The following ATXN10 variants were observed in gnomAD, a reference collection of about 807,000 sequenced individuals.
The protein encoded by ATXN10 is ataxin 10.
In ATXN10, 28 loss-of-function variants were observed where a neutral mutation model predicts 52.9. The ratio of observed to expected loss-of-function variants is 0.53; its 90% CI spans 0.39 to 0.73. ATXN10 has a LOEUF of 0.73. ATXN10 is among the 30% of genes least tolerant of loss of function. The probability of loss-of-function intolerance (pLI) is 0.00; values close to 1 mark genes in which losing one functional copy is unlikely to be tolerated. For synonymous variants in ATXN10, 226 were observed against 221.5 expected (o/e 1.02, Z -0.18); for missense variants, 565 against 577.0 (o/e 0.98, Z 0.21).
Position 45,795,619 on chromosome 22 carries a change from C to CTT in ATXN10, c.1174-11340_1174-11339insTT. 6.6e-6 allele frequency among the ~76,000 whole-genome samples: 1 copy of CTT among 152,110 alleles called. No homozygotes were observed. The highest frequency in any genetic ancestry group is 2.4e-5 in the African/African-American group (1 of 41,496). On this transcript the variant is annotated intron_variant, in intron 9 of 11. Coordinates refer to ENST00000252934, the MANE Select transcript of ATXN10 (RefSeq NM_013236.4). This position sits in a 1 kb window ranked among gnomAD's most constrained non-coding sequence, Gnocchi z 4.6. ...AGACGGTGTTTCGGGAAGTCAGGGACCCTGAACGGAGGGACTGGCTGAAGC... is the reference window on the plus strand; with the variant it reads ...AGACGGTGTTTCGGGAAGTCAGGGACTTCCTGAACGGAGGGACTGGCTGAAGC...
chr22:45,807,043 C>T (rs376498406), intron 10 of ATXN10, 21 bp downstream of exon 10: 1 of 1,605,072 alleles, frequency 6.2e-7, no homozygotes, highest in Non-Finnish European at 8.5e-7. Flanking sequence ...ATGTGAATTA[C>T]CATGCACAAG....
Position 45,718,640 on chromosome 22 carries a change from G to T in ATXN10, c.728+147G>T. On this transcript the variant is annotated intron_variant, in intron 6 of 11. Coordinates refer to ENST00000252934, the MANE Select transcript of ATXN10 (RefSeq NM_013236.4). This position sits in a 1 kb window ranked among gnomAD's most constrained non-coding sequence, Gnocchi z 4.4. ...GTTGGTAATGGTTTTAAATTGGTTG[G>T]TTAACATTACAGCTTAGCCACAGTA... is the stretch of plus-strand genomic sequence containing the variant. The T allele has an allele frequency of 2.5e-6, 2 of 812,668 alleles. No homozygotes were observed. 50.3% of individuals were successfully genotyped at this position (812,668 alleles called of 1,614,324 possible). A position where few individuals can be genotyped will look rare whatever the true frequency, so the allele number is the denominator to read the frequency against.
Position 45,780,060 on chromosome 22 carries a change from A to G in ATXN10, c.1174-26899A>G, listed in dbSNP as rs1359560179. On this transcript the variant is annotated intron_variant, in intron 9 of 11. Transcript: ENST00000252934. The surrounding 1 kb of genome is among the most constrained non-coding windows in gnomAD (Gnocchi z 4.0). The stretch of plus-strand genomic sequence containing the variant: ...TGAAATTCCAAATAAAAACGCTTAT[A>G]CAAACAAAAAGGCAGACTGCATCAT... Among the ~76,000 whole-genome samples, 1 of 150,602 alleles carries G rather than the reference A, an allele frequency of 6.6e-6. No individual in the cohort carries two copies. The highest frequency in any genetic ancestry group is 1.5e-5 in the Non-Finnish European group (1 of 67,892).
chr22:45,787,868 G>T lies in ATXN10; in HGVS notation c.1174-19091G>T, dbSNP rs760742279. On this transcript the variant is annotated intron_variant, in intron 9 of 11. Transcript: ENST00000252934. This position sits in a 1 kb window ranked among gnomAD's most constrained non-coding sequence, Gnocchi z 4.2. ...ATCTTGTGCAATTTCAGTTACTGAT[G>T]ATCTTTTTCCAGGAACAAAAATATT... Among the ~76,000 whole-genome samples the T allele has an allele frequency of 6.6e-6, 1 of 152,290 alleles. No homozygotes were observed. Among genetic ancestry groups the T allele is most frequent in the Non-Finnish European group, 1.5e-5 (1 of 68,004 alleles).
At chr22:45,709,373 G>A (rs939930622) in intron 5 of ATXN10, among the ~76,000 whole-genome samples, 2 of 152,212 alleles carry the variant, frequency 1.3e-5, no homozygotes, top group Non-Finnish European at 2.9e-5. Flanking sequence ...GTCCACTTCA[G>A]ATGGTTTATG....
chr22:45,795,353 G>GGATTC lies in ATXN10; in HGVS notation c.1174-11605_1174-11601dup, dbSNP rs1309588277. ...TATCCAACTAAAAGACTACTAGAAT[G>GGATTC]GATTCTATTCTATTCTATTCTATTC... is the stretch of plus-strand genomic sequence containing the variant. On this transcript the variant is annotated intron_variant, in intron 9 of 11. Coordinates refer to ENST00000252934, the MANE Select transcript of ATXN10 (RefSeq NM_013236.4). This position sits in a 1 kb window ranked among gnomAD's most constrained non-coding sequence, Gnocchi z 4.6. Among the ~76,000 whole-genome samples the GGATTC allele has an allele frequency of 2.0e-4, 27 of 137,088 alleles. No homozygotes were observed. Among genetic ancestry groups the GGATTC allele is most frequent in the East Asian group, 1.0e-3 (4 of 3,930 alleles). The allele number at this position is 137,088 out of a possible 152,430, so 89.9% of individuals were successfully genotyped here.
intron 10 of ATXN10, among the ~76,000 whole-genome samples, chr22:45,808,755 A>C (rs1928184868): frequency 1.3e-5 from 2 of 152,238 alleles, no homozygotes; most frequent in African/African-American, 4.8e-5. Context: ...AGTCACCGGG[A>C]GGAGACAGAG....
intron 9 of ATXN10, chr22:45,793,756 CT>C: frequency 2.1e-6 from 3 of 1,420,842 alleles, no homozygotes; most frequent in South Asian, 1.7e-5. Context: ...CGATTCCTGC[CT>C]TTCCCCAGTG....
At chr22:45,807,267 G>A (rs1928131584) in intron 10 of ATXN10, among the ~76,000 whole-genome samples, 1 of 152,178 alleles carries the variant, frequency 6.6e-6, no homozygotes, top group Admixed American at 6.5e-5. Flanking sequence ...TGGCCAAAAA[G>A]CACTTTAAAA....
intron 9 of ATXN10, among the ~76,000 whole-genome samples, chr22:45,773,579 C>T (rs1926849185): frequency 6.6e-6 from 1 of 152,100 alleles, no homozygotes; most frequent in Non-Finnish European, 1.5e-5. Context: ...CTGCCTCAGC[C>T]TCCTGAGTAA....
In ATXN10 at chr22:45,729,551, T is replaced by C. The variant is rs768152255; in HGVS notation, c.855T>C (p.Thr285=). ...IASTFVDQCK[T]VLKLASEEPP... The stretch of plus-strand genomic sequence containing the variant: ...GCACCTTTGTGGATCAGTGCAAGAC[T>C]GTGCTCAAGCTGGCCTCTGAGGAGC... The change falls in exon 7 of 12, where the codon ACT becomes ACC. Residue 285 remains threonine, a synonymous_variant. Transcript: ENST00000252934. 1 of 1,614,192 alleles carries C rather than the reference T, an allele frequency of 6.2e-7. No individual in the cohort carries two copies. The highest frequency in any genetic ancestry group is 1.7e-5 in the Admixed American group (1 of 60,020).
At chr22:45,752,121 A>G (rs2239397) in intron 9 of ATXN10, among the ~76,000 whole-genome samples, 13,873 of 152,126 alleles carry the variant, frequency 0.091, 813 homozygotes, top group Middle Eastern at 0.16. Context: ...AATATTTTTT[A>G]CTCCAAATAG....
Position 45,789,860 on chromosome 22 carries a change from C to T in ATXN10, c.1174-17099C>T, listed in dbSNP as rs1461142172. 6.6e-6 allele frequency among the ~76,000 whole-genome samples: 1 copy of T among 152,080 alleles called. No individual in the cohort carries two copies. Among genetic ancestry groups the T allele is most frequent in the African/African-American group, 2.4e-5 (1 of 41,404 alleles). ...CGCTGGTGAGGAGTGGATATTTTAC[C>T]CCCAGAAGACTCTTAAGTGGGTCAG... On this transcript the variant is annotated intron_variant, in intron 9 of 11. Transcript: ENST00000252934. The surrounding 1 kb of genome is among the most constrained non-coding windows in gnomAD (Gnocchi z 4.0).
rs1928542335 is a variant in ATXN10 at position 45,818,589 on chromosome 22, G to GCGGAC, written c.1237+11571_1237+11575dup. On this transcript the variant is annotated intron_variant, in intron 10 of 11. Coordinates refer to ENST00000252934, the MANE Select transcript of ATXN10 (RefSeq NM_013236.4). This position sits in a 1 kb window ranked among gnomAD's most constrained non-coding sequence, Gnocchi z 4.6. ...TTGAAGGTGACCACCCTCGCTTTCA[G>GCGGAC]CGGACCGGGGCAGGGATCAGGGATC... Among the ~76,000 whole-genome samples the GCGGAC allele has an allele frequency of 6.6e-6, 1 of 152,174 alleles. No homozygotes were observed. Among genetic ancestry groups the GCGGAC allele is most frequent in the Admixed American group, 6.5e-5 (1 of 15,282 alleles).
chr22:45,700,101 C>T (rs186919335), intron 3 of ATXN10, among the ~76,000 whole-genome samples, 181 bp from the exon 4 acceptor site: 68 of 152,298 alleles, frequency 4.5e-4, no homozygotes, highest in African/African-American at 1.5e-3. Flanking sequence ...CGTGAGCCGC[C>T]GCTCCCAGCC....
intron 10 of ATXN10, among the ~76,000 whole-genome samples, chr22:45,834,515 G>T (rs1569083190): frequency 1.3e-5 from 2 of 152,176 alleles, no homozygotes; most frequent in Non-Finnish European, 2.9e-5. Context: ...TCCCCAGAAT[G>T]CTGCTCCCCC....
intron 9 of ATXN10, among the ~76,000 whole-genome samples, chr22:45,753,937 A>G (rs1196912900): frequency 1.3e-5 from 2 of 152,130 alleles, no homozygotes. Context: ...TGCCCTTTGT[A>G]AGCCAAAAGC....
chr22:45,689,500 G>T, intron 1 of ATXN10: 1 of 592,566 alleles, frequency 1.7e-6, no homozygotes, highest in South Asian at 2.0e-5. Context: ...CAGAGACTGA[G>T]ATAATACATG....
At chr22:45,687,548 C>G (rs1601588590) in intron 1 of ATXN10, among the ~76,000 whole-genome samples, 1 of 152,190 alleles carries the variant, frequency 6.6e-6, no homozygotes, top group East Asian at 1.9e-4. Flanking sequence ...GAAGCTTATT[C>G]AAGTTGCAGA....
Sources: gnomAD v4.1 joint callset for allele counts (sites outside exome capture counted in the v4.1 genomes callset) on GRCh38, gnomAD v4.1.1 for gene constraint, Gnocchi (gnomAD v3.1) non-coding constraint, MANE v1.5 for transcripts, NCBI Gene and HGNC (gene_info 2026-07-23, HGNC 2026-07-21) for gene names.